TOMM7: variants seen among roughly 807,000 people sequenced by gnomAD.
The protein encoded by TOMM7 is mitochondrial import receptor subunit TOM7 homolog.
TOMM7 carries 8 observed loss-of-function variants against 9.5 expected under a neutral mutation model. The ratio of observed to expected loss-of-function variants is 0.84; its 90% CI spans 0.49 to 1.51. The LOEUF is 1.51. Among genes scored for constraint, TOMM7 ranks in the 40% most tolerant of loss-of-function variants. The pLI is 0.00. For missense variants in TOMM7, 74 were observed against 63.7 expected (o/e 1.16, Z -0.55); for synonymous variants, 27 against 21.4 (o/e 1.26, Z -0.72).
chr7:22,817,955 C>G (rs1782337748), intron 2 of TOMM7, 45 bp downstream of exon 2: 1 of 1,557,052 alleles, frequency 6.4e-7, no homozygotes, highest in African/African-American at 1.4e-5. Flanking sequence ...TTCAGTACTA[C>G]TGTATGAACA....
chr7:22,817,485 C>T (rs1284452989), intron 2 of TOMM7: 2 of 236,020 alleles, frequency 8.5e-6, no homozygotes, highest in African/African-American at 2.3e-5. Context: ...TCAAGCAATC[C>T]TCCCATGATC....
chr7:22,819,108 A>G (rs536269099), intron 1 of TOMM7, among the ~76,000 whole-genome samples: 2 of 152,302 alleles, frequency 1.3e-5, no homozygotes, highest in South Asian at 2.1e-4. Flanking sequence ...ATGGTTAAGT[A>G]TATCTTTTAC....
Position 22,817,967 on chromosome 7 carries a change from T to C in TOMM7, c.152+33A>G, listed in dbSNP as rs758422909. The C allele has an allele frequency of 9.4e-6, 15 of 1,603,944 alleles. No individual in the cohort carries two copies. The South Asian group carries it at 1.5e-4, about 16-fold the overall frequency. Reference sequence around the variant, plus strand: ...TGATTCAGTACTACTGTATGAACATTTGTCCTGAAATGTTTAGTTTTAAGA... The same window carrying C: ...TGATTCAGTACTACTGTATGAACATCTGTCCTGAAATGTTTAGTTTTAAGA... On this transcript the variant is annotated intron_variant, in intron 2 of 2. Coordinates refer to ENST00000358435, the MANE Select transcript of TOMM7 (RefSeq NM_019059.5).
chr7:22,822,398 C>A, intron 1 of TOMM7: 1 of 1,008,182 alleles, frequency 9.9e-7, no homozygotes, highest in Non-Finnish European at 1.4e-6. Context: ...TGGGGTCATC[C>A]AACCCTCCCT....
chr7:22,815,402 G>A (rs568547527), intron 2 of TOMM7, among the ~76,000 whole-genome samples: 1 of 151,880 alleles, frequency 6.6e-6, no homozygotes, highest in South Asian at 2.1e-4. Flanking sequence ...CTGTCCAAAG[G>A]ACCACCAAGA....
chr7:22,818,052 A>G lies in TOMM7; in HGVS notation c.104-4T>C. 2 of 1,613,748 alleles carry G rather than the reference A, an allele frequency of 1.2e-6. No individual in the cohort carries two copies. Among genetic ancestry groups the G allele is most frequent in the Non-Finnish European group, 1.7e-6 (2 of 1,179,760 alleles). On this transcript the variant is annotated splice_polypyrimidine_tract_variant and splice_region_variant and intron_variant, in intron 1 of 2. Transcript: ENST00000358435. ...GGATCTGCACCCCTCTTAAATCCTG[A>G]ATCAAGGAAGACAGAAGAGAAAAAA...
At chr7:22,820,596 G>C (rs1782373711) in intron 1 of TOMM7, among the ~76,000 whole-genome samples, 1 of 152,190 alleles carries the variant, frequency 6.6e-6, no homozygotes, top group South Asian at 2.1e-4. Context: ...GTGGCACAAA[G>C]AAGGGGAAGA....
intron 1 of TOMM7, 83 bp downstream of exon 1, chr7:22,822,594 C>T (rs1782409187): frequency 1.6e-6 from 2 of 1,250,628 alleles, no homozygotes; most frequent in Non-Finnish European, 2.3e-6. Flanking sequence ...TTTTTCTCTC[C>T]CTCCCCCGAC....
intron 1 of TOMM7, chr7:22,822,038 C>G: frequency 8.2e-7 from 1 of 1,212,962 alleles, no homozygotes; most frequent in Admixed American, 3.0e-5. Context: ...CCTTTAAGTG[C>G]GCTATAATGG....
At chr7:22,821,491 CGCGCGGGGCGGAGGCCGG>C (rs1257070390) in intron 1 of TOMM7, among the ~76,000 whole-genome samples, 1 of 151,756 alleles carries the variant, frequency 6.6e-6, no homozygotes, top group East Asian at 1.9e-4. Flanking sequence ...TGGGAGGCCG[CGCGCGGGGCGGAGGCCGG>C]CTGGAGGGGA....
rs1405744768 is a variant in TOMM7, at chr7:22,822,758, C to A, written c.22G>T (p.Ala8Ser). ...AAGAGCTGCTGTAGTCTCTGCTTGG[C>A]CTCTTTGCTCAGCTTCACCATGGCG... MVKLSKE[A>S]KQRLQQLFKG... The change falls in exon 1 of 3, where the codon GCC becomes TCC. Residue 8 changes from alanine (A) to serine (S), a missense_variant. Coordinates refer to ENST00000358435, the MANE Select transcript of TOMM7 (RefSeq NM_019059.5). 1.9e-6 allele frequency: 3 copies of A among 1,614,192 alleles called. No homozygotes were observed. The highest frequency in any genetic ancestry group is 2.2e-5 in the South Asian group (2 of 91,086).
intron 1 of TOMM7, 154 bp from the exon 2 acceptor site, chr7:22,818,202 A>C: frequency 3.2e-6 from 2 of 628,088 alleles, no homozygotes; most frequent in Admixed American, 2.8e-5. Context: ...CCTACGCTAC[A>C]GAAGTCTCCA....
chr7:22,816,774 A>G (rs1012070129), intron 2 of TOMM7, among the ~76,000 whole-genome samples: 2 of 152,236 alleles, frequency 1.3e-5, no homozygotes, highest in Admixed American at 6.5e-5. Context: ...AGAAAGAGGT[A>G]AAATTACTTG....
intron 1 of TOMM7, among the ~76,000 whole-genome samples, chr7:22,818,850 T>C (rs1401950966): frequency 6.7e-6 from 1 of 149,148 alleles, no homozygotes; most frequent in African/African-American, 2.4e-5. Context: ...TGGGCTCAAG[T>C]GATCAGCCTC....
Position 22,822,488 on chromosome 7 carries a change from G to A in TOMM7, c.103+189C>T, listed in dbSNP as rs1782407177. ...GATTGCAAGACTGCTTAAAGACCAT[G>A]CAACTATAAAGCGATAGAACGGGAA... is the stretch of plus-strand genomic sequence containing the variant. On this transcript the variant is annotated intron_variant, in intron 1 of 2. Transcript: ENST00000358435. 7 of 706,040 alleles carry A rather than the reference G, an allele frequency of 9.9e-6. No homozygotes were observed. In the South Asian group the frequency reaches 1.1e-4, roughly 11 times the overall value. The allele number at this position is 706,040 out of a possible 1,614,324, so 43.7% of individuals were successfully genotyped here.
intron 1 of TOMM7, among the ~76,000 whole-genome samples, chr7:22,818,532 C>T (rs28660425): frequency 0.22 from 34,186 of 152,122 alleles, 4,271 homozygotes; most frequent in Middle Eastern, 0.34. Context: ...CCACCTGCCT[C>T]GACTTTCCAA....
At chr7:22,822,030 T>C in intron 1 of TOMM7, 2 of 1,188,680 alleles carry the variant, frequency 1.7e-6, no homozygotes, top group Non-Finnish European at 1.1e-6. Context: ...CCCCAAATCC[T>C]TTAAGTGCGC....
chr7:22,813,080 G>C lies in TOMM7; in HGVS notation c.*90C>G. The stretch of plus-strand genomic sequence containing the variant: ...GCCTTGTGCCATCCAACTAGTGACT[G>C]AATGATGTCCCATCTCTTATCCGAG... On this transcript the variant is annotated 3_prime_UTR_variant, in exon 3 of 3. Transcript: ENST00000358435. The C allele has an allele frequency of 1.4e-6, 2 of 1,379,744 alleles. No homozygotes were observed. The highest frequency in any genetic ancestry group is 2.1e-6 in the Non-Finnish European group (2 of 967,856). 85.5% of individuals were successfully genotyped at this position (1,379,744 alleles called of 1,614,324 possible). A position where few individuals can be genotyped will look rare whatever the true frequency, so the allele number is the denominator to read the frequency against.
intron 2 of TOMM7, among the ~76,000 whole-genome samples, chr7:22,814,066 T>C (rs1782285227): frequency 6.6e-6 from 1 of 150,622 alleles, no homozygotes; most frequent in Non-Finnish European, 1.5e-5. Flanking sequence ...CCAGGCATGA[T>C]AGTTCATGCC....
Sources: gnomAD v4.1 joint callset for allele counts (sites outside exome capture counted in the v4.1 genomes callset) on GRCh38, gnomAD v4.1.1 for gene constraint, MANE v1.5 for transcripts, NCBI Gene and HGNC (gene_info 2026-07-23, HGNC 2026-07-21) for gene names.